ZFYVE26: variants seen among roughly 807,000 people sequenced by gnomAD.
ZFYVE26 encodes the protein zinc finger FYVE domain-containing protein 26.
A neutral mutation model predicts 276.5 loss-of-function variants in ZFYVE26; 181 were observed. The ratio of observed to expected loss-of-function variants is 0.65; its 90% CI spans 0.58 to 0.74. The LOEUF is 0.74. ZFYVE26 is among the 30% of genes least tolerant of loss of function. The pLI is 0.00. For missense variants in ZFYVE26, 2,821 were observed against 3,097.9 expected (o/e 0.91, Z 2.12); for synonymous variants, 1,129 against 1,203.1 (o/e 0.94, Z 1.27).
chr14:67,757,640 GTCTTTCTTTCTTTCTTTCTTTCTT>G (rs57285258), intron 35 of ZFYVE26, among the ~76,000 whole-genome samples: 73 of 149,018 alleles, frequency 4.9e-4, no homozygotes, highest in African/African-American at 6.2e-4. Flanking sequence ...AGATATTTTT[GTCTTTCTTTCTTTCTTTCTTTCTT>G]TCTTTCTTTC....
downstream of ZFYVE26, among the ~76,000 whole-genome samples, chr14:67,746,164 C>T (rs1289896133): frequency 6.6e-6 from 1 of 152,096 alleles, no homozygotes; most frequent in Non-Finnish European, 1.5e-5. Context: ...TGCTCTGGAA[C>T]TGTACACTAG....
chr14:67,811,079 A>C (rs1360964761), intron 3 of ZFYVE26, among the ~76,000 whole-genome samples: 1 of 152,196 alleles, frequency 6.6e-6, no homozygotes, highest in African/African-American at 2.4e-5. Flanking sequence ...TGCTTGTATA[A>C]TGCCTGTGAT....
downstream of ZFYVE26, among the ~76,000 whole-genome samples, chr14:67,743,965 A>G (rs2038450788): frequency 6.6e-6 from 1 of 152,214 alleles, no homozygotes; most frequent in Non-Finnish European, 1.5e-5. Context: ...AAATAACAAC[A>G]TGCAGAATTA....
Position 67,755,060 on chromosome 14 carries a change from T to A in ZFYVE26, c.6977A>T (p.Asp2326Val). 1 of 1,613,932 alleles carries A rather than the reference T, an allele frequency of 6.2e-7. No homozygotes were observed. The highest frequency in any genetic ancestry group is 1.1e-5 in the South Asian group (1 of 91,072). Reference protein sequence around the residue: ...TFFRKKMTAADVSRHMNTLQL... With the variant: ...TFFRKKMTAAVVSRHMNTLQL... ...CTGAACCTCCAGCTACCTTGACACA[T>A]CAGCTGCAGTCATCTTCTTTCTGAA... Residue 2326 changes from aspartate (D) to valine (V), a missense_variant, in exon 37 of 42, where the codon GAT becomes GTT. Asp to Val is a radical substitution (Grantham distance 152). Transcript: ENST00000347230.
intron 35 of ZFYVE26, 85 bp from the exon 36 acceptor site, chr14:67,756,230 A>G (rs539742825): frequency 7.2e-7 from 1 of 1,384,242 alleles, no homozygotes; most frequent in African/African-American, 1.4e-5. Context: ...CCTTCTATTG[A>G]TGAACCTTCA....
intron 16 of ZFYVE26, among the ~76,000 whole-genome samples, chr14:67,788,949 G>C (rs940704101): frequency 6.6e-6 from 1 of 152,146 alleles, no homozygotes; most frequent in African/African-American, 2.4e-5. Context: ...CTCAAGGTAT[G>C]ATCATCCCTC....
chr14:67,806,398 T>C (rs1453491744), intron 6 of ZFYVE26, 147 bp downstream of exon 6: 2 of 930,398 alleles, frequency 2.1e-6, no homozygotes, highest in Non-Finnish European at 3.4e-6. Context: ...TCCTTTCCCA[T>C]GGGACTGTGG....
At chr14:67,784,245 A>G in intron 20 of ZFYVE26, 89 bp downstream of exon 20, 1 of 1,103,802 alleles carries the variant, frequency 9.1e-7, no homozygotes, top group South Asian at 1.2e-5. Context: ...TCTCTGTGCT[A>G]ACCCCAAGCA....
At chr14:67,800,595 T>C (rs2040056617) in intron 10 of ZFYVE26, among the ~76,000 whole-genome samples, 1 of 152,168 alleles carries the variant, frequency 6.6e-6, no homozygotes, top group South Asian at 2.1e-4. Context: ...AGACAAGCCA[T>C]ATTGATCCAG....
intron 9 of ZFYVE26, among the ~76,000 whole-genome samples, chr14:67,803,892 A>G (rs1352165116): frequency 2.0e-5 from 3 of 152,126 alleles, no homozygotes; most frequent in African/African-American, 7.2e-5. Flanking sequence ...GATCATACTC[A>G]CAGGATTCCC....
intron 10 of ZFYVE26, chr14:67,798,906 G>A: frequency 1.0e-6 from 1 of 959,146 alleles, no homozygotes; most frequent in South Asian, 1.5e-5. Flanking sequence ...CCGCCCCCGG[G>A]GAGGGCGCTG....
rs1335550319 is a variant in ZFYVE26, at chr14:67,806,777, A to G, written c.887-102T>C. The G allele has an allele frequency of 3.5e-6, 5 of 1,433,404 alleles. No individual in the cohort carries two copies. In the East Asian group the frequency reaches 9.2e-5, roughly 26 times the overall value. 88.8% of individuals were successfully genotyped at this position (1,433,404 alleles called of 1,614,324 possible). Reference sequence around the variant, plus strand: ...GTGATGTGAGAGTTTGCTCTTTTAAAAACTTAGGCTGGGTTTTCCATACTT... The same window carrying G: ...GTGATGTGAGAGTTTGCTCTTTTAAGAACTTAGGCTGGGTTTTCCATACTT... On this transcript the variant is annotated intron_variant, in intron 5 of 41. Coordinates refer to ENST00000347230, the MANE Select transcript of ZFYVE26 (RefSeq NM_015346.4).
At chr14:67,792,913 CAAAAAAAA>C (rs34041446) in intron 14 of ZFYVE26, among the ~76,000 whole-genome samples, 1 of 56,812 alleles carries the variant, frequency 1.8e-5, no homozygotes, top group East Asian at 5.8e-4. Flanking sequence ...AAATCTGTCT[CAAAAAAAA>C]AAAAAAAAAA....
chr14:67,748,134 ACAT>A lies in ZFYVE26; in HGVS notation c.*299_*301del. On this transcript the variant is annotated 3_prime_UTR_variant, in exon 42 of 42. Transcript: ENST00000347230. ...TTTGTTCAGAAATGCTTGGGCGTAA[ACAT>A]CAGCGCACAGGAACATGCACACGTG... 1 of 417,720 alleles carries A rather than the reference ACAT, an allele frequency of 2.4e-6. No individual in the cohort carries two copies. Among genetic ancestry groups the A allele is most frequent in the Non-Finnish European group, 4.4e-6 (1 of 228,412 alleles). 25.9% of individuals were successfully genotyped at this position (417,720 alleles called of 1,614,324 possible). A position where few individuals can be genotyped will look rare whatever the true frequency, so the allele number is the denominator to read the frequency against.
chr14:67,761,754 A>G (rs1320281396), intron 34 of ZFYVE26, 170 bp from the exon 35 acceptor site: 2 of 518,246 alleles, frequency 3.9e-6, no homozygotes, highest in Non-Finnish European at 6.5e-6. Flanking sequence ...TTAAAGTATG[A>G]TAAAAAAATA....
chr14:67,752,977 G>A (rs1463023787), intron 39 of ZFYVE26, among the ~76,000 whole-genome samples: 2 of 152,162 alleles, frequency 1.3e-5, no homozygotes, highest in Non-Finnish European at 2.9e-5. Flanking sequence ...CCTGGTCTAG[G>A]AGAACCCTTA....
intron 12 of ZFYVE26, among the ~76,000 whole-genome samples, chr14:67,795,804 G>A (rs2039940275): frequency 6.6e-6 from 1 of 152,118 alleles, no homozygotes; most frequent in Non-Finnish European, 1.5e-5. Context: ...AATATTTTCT[G>A]TAATGTATAA....
intron 28 of ZFYVE26, chr14:67,770,125 A>G (rs932475): frequency 0.95 from 275,874 of 289,492 alleles, 131,892 homozygotes; most frequent in Non-Finnish European, 0.99. Context: ...GTTTTCCCCA[A>G]GGTTATTTTA....
intron 13 of ZFYVE26, among the ~76,000 whole-genome samples, chr14:67,737,088 C>CTTTT (rs71129855): frequency 2.7e-4 from 28 of 104,748 alleles, no homozygotes; most frequent in Admixed American, 6.5e-4. Context: ...TTTTTCTTTT[C>CTTTT]TTTTTTTTTT....
Sources: allele counts gnomAD v4.1 joint callset (sites outside exome capture counted in the v4.1 genomes callset), GRCh38; gene constraint gnomAD v4.1.1; transcripts MANE v1.5; gene names NCBI Gene and HGNC (gene_info 2026-07-23, HGNC 2026-07-21).